Variants in ROPN1L observed in about 807,000 individuals in gnomAD.
ROPN1L encodes rhophilin associated tail protein 1 like.
Under a neutral mutation model 22.7 loss-of-function variants are expected in ROPN1L, and 23 were observed. The observed-to-expected ratio is 1.01, with a 90% CI of 0.73 to 1.43. The LOEUF is 1.43. Ranked by LOEUF, ROPN1L falls within the 40% of genes most tolerant of loss-of-function variation. The pLI is 0.00. For missense variants in ROPN1L, 271 were observed against 291.5 expected (o/e 0.93, Z 0.51); for synonymous variants, 116 against 117.8 (o/e 0.98, Z 0.10).
chr5:10,446,252 G>A (rs999110152), intron 1 of ROPN1L, among the ~76,000 whole-genome samples: 1 of 152,246 alleles, frequency 6.6e-6, no homozygotes, highest in Non-Finnish European at 1.5e-5. Context: ...CCTACTGACA[G>A]TTGGGGAGGG....
At chr5:10,451,672 CG>C (rs1741256307) in intron 3 of ROPN1L, among the ~76,000 whole-genome samples, 1 of 152,108 alleles carries the variant, frequency 6.6e-6, no homozygotes. Flanking sequence ...CTCAGGGAGT[CG>C]GGTGTGGTGT....
intron 2 of ROPN1L, 63 bp downstream of exon 2, chr5:10,448,446 T>C: frequency 1.2e-6 from 2 of 1,601,924 alleles, no homozygotes; most frequent in East Asian, 4.5e-5. Context: ...CCGTTCACTG[T>C]GCATTGATGA....
intron 2 of ROPN1L, among the ~76,000 whole-genome samples, chr5:10,449,004 A>G (rs1347924702): frequency 6.6e-6 from 1 of 152,250 alleles, no homozygotes; most frequent in Non-Finnish European, 1.5e-5. Context: ...CAGTGGCATA[A>G]CCTTGATTTT....
At chr5:10,459,546 G>T (rs984751396) in intron 3 of ROPN1L, among the ~76,000 whole-genome samples, 1 of 151,832 alleles carries the variant, frequency 6.6e-6, no homozygotes. Context: ...ACCCCATCCC[G>T]CTGACCTCAT....
chr5:10,450,554 A>G (rs906890003), intron 3 of ROPN1L, among the ~76,000 whole-genome samples: 4 of 152,080 alleles, frequency 2.6e-5, no homozygotes, highest in East Asian at 1.9e-4. Flanking sequence ...GCTGGAGTAC[A>G]ATGGCGCAAT....
rs555236708 is a variant in ROPN1L at position 10,442,252 on chromosome 5, G to A, written c.85G>A (p.Ala29Thr). The change falls in exon 1 of 5, where the codon GCT (alanine) becomes ACT (threonine). Residue 29 changes from alanine (A) to threonine (T), a missense_variant. Coordinates refer to ENST00000274134, the MANE Select transcript of ROPN1L (RefSeq NM_031916.5). Reference sequence around the variant, plus strand: ...GGACATCCTGAAGCAATTCACCAAGGCTGCCATCCGCACCCAGCCGGCCGA... The same window carrying A: ...GGACATCCTGAAGCAATTCACCAAGACTGCCATCCGCACCCAGCCGGCCGA... ...LPDILKQFTK[A>T]AIRTQPADVL... is the part of the protein sequence containing the mutation. The A allele has an allele frequency of 6.2e-7, 1 of 1,613,756 alleles. No individual in the cohort carries two copies. The highest frequency in any genetic ancestry group is 1.3e-5 in the African/African-American group (1 of 75,070).
downstream of ROPN1L, among the ~76,000 whole-genome samples, chr5:10,476,586 AGAAAAT>A (rs1327720204): frequency 1.3e-5 from 2 of 152,260 alleles, no homozygotes; most frequent in Non-Finnish European, 2.9e-5. Context: ...GATGAAAAGA[AGAAAAT>A]GATAAGTCAG....
intron 1 of ROPN1L, among the ~76,000 whole-genome samples, chr5:10,445,576 A>G (rs1458463846): frequency 1.3e-5 from 2 of 152,140 alleles, no homozygotes; most frequent in African/African-American, 4.8e-5. Context: ...AGGAAAAAGA[A>G]AAACCATCAA....
At chr5:10,461,102 T>C in intron 3 of ROPN1L, 82 bp from the exon 4 acceptor site, 2 of 1,308,826 alleles carry the variant, frequency 1.5e-6, no homozygotes, top group South Asian at 2.7e-5. Context: ...TGCTAGAGTG[T>C]TGATTCTGCT....
chr5:10,482,521 G>T, the ROPN1L span, among the ~76,000 whole-genome samples: 1 of 152,168 alleles, frequency 6.6e-6, no homozygotes. Flanking sequence ...TAAGTGGCAT[G>T]TGGGGCTCTG....
intron 3 of ROPN1L, among the ~76,000 whole-genome samples, chr5:10,455,344 C>T (rs1430401935): frequency 1.3e-5 from 2 of 152,246 alleles, no homozygotes; most frequent in Non-Finnish European, 2.9e-5. Flanking sequence ...CTCATAGCCC[C>T]TGCAGCCCGT....
At chr5:10,467,938 C>T (rs1057248297), downstream of ROPN1L, among the ~76,000 whole-genome samples, 1 of 152,212 alleles carries the variant, frequency 6.6e-6, no homozygotes, top group Admixed American at 6.5e-5. Flanking sequence ...GGGTCTGGAG[C>T]AGAGTGGAGG....
rs779387433 is a variant in ROPN1L at position 10,448,389 on chromosome 5, G to C, written c.255+6G>C. On this transcript the variant is annotated splice_donor_region_variant and intron_variant, in intron 2 of 4. Transcript: ENST00000274134. ...TGAAAGTTTTGCACAAGCAGGTATG[G>C]GGGGGCGTAGTCTCTGGCCTCAGGC... is the stretch of plus-strand genomic sequence containing the variant. The C allele has an allele frequency of 5.0e-6, 8 of 1,613,904 alleles. No individual in the cohort carries two copies. The African/African-American group carries it at 8.0e-5, about 16-fold the overall frequency.
chr5:10,449,944 CCAAA>C lies in ROPN1L; in HGVS notation c.256-5_256-2del, dbSNP rs1741198555. The stretch of plus-strand genomic sequence containing the variant: ...TACATAAATTGTCATGCTGTGTTTT[CCAAA>C]CAGTGTCACCACAAGCGGTATGTGG... On this transcript the variant is annotated splice_region_variant and splice_polypyrimidine_tract_variant and intron_variant, in intron 2 of 4. Transcript: ENST00000274134. 1 of 1,601,464 alleles carries C rather than the reference CCAAA, an allele frequency of 6.2e-7. No homozygotes were observed. The highest frequency in any genetic ancestry group is 8.5e-7 in the Non-Finnish European group (1 of 1,174,976).
rs894270869 is a variant in ROPN1L at position 10,455,641 on chromosome 5, G to A, written c.417+5528G>A. On this transcript the variant is annotated intron_variant, in intron 3 of 4. Transcript: ENST00000274134. ...GCACAGGATATCACACCCCAGCCAC[G>A]GGGTGAACTGCTCCTTCCCATTCAG... is the stretch of plus-strand genomic sequence containing the variant. Among the ~76,000 whole-genome samples, 8 of 152,236 alleles carry A rather than the reference G, an allele frequency of 5.3e-5. No homozygotes were observed. In the East Asian group the frequency reaches 5.8e-4, roughly 11 times the overall value.
At chr5:10,466,808 G>A (rs1052503689), downstream of ROPN1L, among the ~76,000 whole-genome samples, 3 of 152,164 alleles carry the variant, frequency 2.0e-5, no homozygotes, top group Non-Finnish European at 4.4e-5. Context: ...CGGAGACCCA[G>A]TGCTTACGTA....
At chr5:10,448,515 C>A in intron 2 of ROPN1L, 132 bp downstream of exon 2, 2 of 990,672 alleles carry the variant, frequency 2.0e-6, no homozygotes, top group East Asian at 2.7e-5. Flanking sequence ...TGAAATCCTG[C>A]TTTCCCTGCC....
rs1388742244 is a variant in ROPN1L, at chr5:10,462,667, G to T, written c.593+1308G>T. On this transcript the variant is annotated intron_variant, in intron 4 of 4. Coordinates refer to ENST00000274134, the MANE Select transcript of ROPN1L (RefSeq NM_031916.5). ...CCAGCACTTTGGGAGTCCGAGGCAG[G>T]TGGATCACTTGAGATCAGGAGTTCG... Among the ~76,000 whole-genome samples, 4 of 152,204 alleles carry T rather than the reference G, an allele frequency of 2.6e-5. No individual in the cohort carries two copies. The East Asian group carries it at 7.7e-4, about 29-fold the overall frequency.
At chr5:10,446,077 G>A (rs569958557) in intron 1 of ROPN1L, among the ~76,000 whole-genome samples, 34 of 152,176 alleles carry the variant, frequency 2.2e-4, no homozygotes, top group Non-Finnish European at 4.3e-4. Context: ...GAGGGGAGTC[G>A]GCTGTTCCTT....
Sources: allele counts gnomAD v4.1 joint callset (sites outside exome capture counted in the v4.1 genomes callset), GRCh38; gene constraint gnomAD v4.1.1; transcripts MANE v1.5; gene names NCBI Gene and HGNC (gene_info 2026-07-23, HGNC 2026-07-21).